Variants in RPH3A observed in about 807,000 individuals in gnomAD.
RPH3A encodes rabphilin-3A.
A neutral mutation model predicts 102.2 loss-of-function variants in RPH3A; 48 were observed. The ratio of observed to expected loss-of-function variants is 0.47; its 90% confidence interval spans 0.37 to 0.60. The LOEUF (loss-of-function observed/expected upper bound fraction) is 0.60. RPH3A is among the 20% of genes least tolerant of loss of function. RPH3A has a pLI of 0.00. For missense variants in RPH3A, 781 were observed against 910.1 expected (o/e 0.86, Z 1.83); for synonymous variants, 310 against 324.3 (o/e 0.96, Z 0.47).
At chr12:112,862,906 C>T (rs548733607) in intron 5 of RPH3A, among the ~76,000 whole-genome samples, 36 of 152,206 alleles carry the variant, frequency 2.4e-4, no homozygotes, top group South Asian at 6.2e-4. Flanking sequence ...GGCGCTGTGA[C>T]GCCCAAGTCC....
chr12:112,632,616 T>A (rs1190920570), intron 1 of RPH3A, among the ~76,000 whole-genome samples: 3 of 152,164 alleles, frequency 2.0e-5, no homozygotes, highest in Non-Finnish European at 4.4e-5. Flanking sequence ...CTTTATCAAC[T>A]TACATATTCT....
chr12:112,741,669 T>C (rs866619599), intron 1 of RPH3A, among the ~76,000 whole-genome samples: 5 of 152,130 alleles, frequency 3.3e-5, no homozygotes, highest in African/African-American at 9.7e-5. Flanking sequence ...TAAGAAGCCA[T>C]GTCTGCTCAT....
At chr12:112,744,142 C>A (rs2040728099) in intron 1 of RPH3A, among the ~76,000 whole-genome samples, 1 of 152,100 alleles carries the variant, frequency 6.6e-6, no homozygotes, top group Non-Finnish European at 1.5e-5. Flanking sequence ...GTGGTGCGAT[C>A]TCGGCTCACT....
intron 3 of RPH3A, 36 bp from the exon 4 acceptor site, chr12:112,836,455 A>AT (rs760502995): frequency 3.7e-5 from 48 of 1,290,124 alleles, no homozygotes; most frequent in South Asian, 2.3e-4. Flanking sequence ...AACTTTATTC[A>AT]TTTTTTCTTT....
intron 2 of RPH3A, among the ~76,000 whole-genome samples, chr12:112,820,931 C>T (rs76559237): frequency 0.038 from 5,797 of 152,288 alleles, 359 homozygotes; most frequent in African/African-American, 0.13. Context: ...TAGGACCTCC[C>T]AGGCCTGTCT....
At chr12:112,846,918 C>A (rs1453946861) in intron 4 of RPH3A, among the ~76,000 whole-genome samples, 1 of 152,186 alleles carries the variant, frequency 6.6e-6, no homozygotes, top group African/African-American at 2.4e-5. Context: ...GAATCCTGCC[C>A]CTGCCACTTG....
intron 1 of RPH3A, among the ~76,000 whole-genome samples, chr12:112,652,031 G>A (rs914542354): frequency 3.9e-5 from 6 of 152,150 alleles, no homozygotes; most frequent in Admixed American, 3.9e-4. Context: ...CCACATTTTG[G>A]CTATTGTGAA....
chr12:112,863,742 T>C (rs1329971437), intron 5 of RPH3A, among the ~76,000 whole-genome samples: 1 of 152,258 alleles, frequency 6.6e-6, no homozygotes, highest in Non-Finnish European at 1.5e-5. Context: ...CTCCTGGAAG[T>C]GGGTGGCAAT....
At chr12:112,742,151 C>G (rs116533161) in intron 1 of RPH3A, among the ~76,000 whole-genome samples, 1,534 of 152,118 alleles carry the variant, frequency 0.01, 30 homozygotes, top group African/African-American at 0.035. Flanking sequence ...AAAGTCCAAG[C>G]GAGATCCCAG....
intron 1 of RPH3A, among the ~76,000 whole-genome samples, chr12:112,620,391 A>G (rs1224319734): frequency 2.0e-5 from 3 of 152,152 alleles, no homozygotes; most frequent in African/African-American, 7.2e-5. Flanking sequence ...TGCTCATTAT[A>G]CTCACTGAGT....
At chr12:112,593,716 T>A (rs567276942) in intron 1 of RPH3A, among the ~76,000 whole-genome samples, 1 of 152,328 alleles carries the variant, frequency 6.6e-6, no homozygotes, top group East Asian at 1.9e-4. Flanking sequence ...CTAATTATTA[T>A]CCACATCTAA....
intron 15 of RPH3A, among the ~76,000 whole-genome samples, chr12:112,882,694 C>T (rs2042935290): frequency 6.6e-6 from 1 of 152,234 alleles, no homozygotes; most frequent in Admixed American, 6.5e-5. Context: ...CCTCCTCACT[C>T]CCCAGTGATG....
At chr12:112,748,948 A>G (rs545338115) in intron 1 of RPH3A, among the ~76,000 whole-genome samples, 121 of 151,702 alleles carry the variant, frequency 8.0e-4, no homozygotes, top group African/African-American at 2.5e-3. Context: ...CATACTTTGG[A>G]CTTTTGGTCT....
At chr12:112,851,060 G>A (rs2042314828) in intron 5 of RPH3A, 1 of 152,202 alleles carries the variant, frequency 6.6e-6, no homozygotes, top group Non-Finnish European at 1.5e-5. Flanking sequence ...TTATCTGAGT[G>A]AAAGCTATCT....
At chr12:112,848,901 T>C (rs2042275821) in intron 5 of RPH3A, among the ~76,000 whole-genome samples, 1 of 151,978 alleles carries the variant, frequency 6.6e-6, no homozygotes, top group Non-Finnish European at 1.5e-5. Context: ...TTGGTATAAA[T>C]GGAGACTGGC....
intron 2 of RPH3A, among the ~76,000 whole-genome samples, chr12:112,814,866 G>C (rs1466843663): frequency 6.6e-6 from 1 of 152,158 alleles, no homozygotes; most frequent in Non-Finnish European, 1.5e-5. Context: ...GACACTCAGG[G>C]CAGGATAGTG....
chr12:112,805,014 G>A (rs148098491), intron 2 of RPH3A, among the ~76,000 whole-genome samples: 8 of 152,018 alleles, frequency 5.3e-5, no homozygotes, highest in African/African-American at 1.4e-4. Flanking sequence ...AAATGTTGCC[G>A]ACCGAGTTTT....
intron 1 of RPH3A, among the ~76,000 whole-genome samples, chr12:112,701,271 G>A (rs529882501): frequency 3.9e-5 from 6 of 152,180 alleles, no homozygotes; most frequent in Non-Finnish European, 8.8e-5. Context: ...CTCTTTAGAT[G>A]TAAGGAAAAG....
chr12:112,687,367 G>A (rs542496814), intron 1 of RPH3A, among the ~76,000 whole-genome samples: 1 of 152,210 alleles, frequency 6.6e-6, no homozygotes, highest in African/African-American at 2.4e-5. Context: ...CACACTCTGG[G>A]ATGCATGTCC....
Sources: allele counts gnomAD v4.1 joint callset (sites outside exome capture counted in the v4.1 genomes callset), GRCh38; gene constraint gnomAD v4.1.1; transcripts MANE v1.5; gene names NCBI Gene and HGNC (gene_info 2026-07-23, HGNC 2026-07-21).